IL1RAPL1: variants seen among roughly 807,000 people sequenced by gnomAD.
The protein encoded by IL1RAPL1 is interleukin-1 receptor accessory protein-like 1.
Under a neutral mutation model 48.4 loss-of-function variants are expected in IL1RAPL1, and 3 were observed. The ratio of observed to expected loss-of-function variants is 0.06; its 90% confidence interval spans 0.03 to 0.16. The LOEUF (loss-of-function observed/expected upper bound fraction) is 0.16, where lower values mean the gene tolerates loss of function less well. Among genes scored for constraint, IL1RAPL1 ranks in the 10% least tolerant of loss-of-function variants. The probability of loss-of-function intolerance (pLI) is 1.00; values close to 1 mark genes in which losing one functional copy is unlikely to be tolerated. For synonymous variants in IL1RAPL1, 185 were observed against 187.7 expected (o/e 0.99, Z 0.12); for missense variants, 349 against 530.6 (o/e 0.66, Z 3.36).
chrX:29,165,491 A>G (rs757252686), intron 2 of IL1RAPL1, among the ~76,000 whole-genome samples: 1 of 112,102 alleles, frequency 8.9e-6, no homozygotes, highest in Non-Finnish European at 1.9e-5. Context: ...GTTTTAGTTT[A>G]ATTTTCACTG....
rs376998348 is a variant in IL1RAPL1, at chrX:29,268,885, A to G, written c.83-14053A>G. Among the ~76,000 whole-genome samples, 8 of 112,191 alleles carry G rather than the reference A, an allele frequency of 7.1e-5. No homozygotes were observed. The South Asian group carries it at 1.1e-3, about 16-fold the overall frequency. Reference sequence around the variant, plus strand: ...GACACAGACTAAATGCTGTAAAATCATTCATCCTCTAAAATTTCAAATATT... The same window carrying G: ...GACACAGACTAAATGCTGTAAAATCGTTCATCCTCTAAAATTTCAAATATT... On this transcript the variant is annotated intron_variant, in intron 2 of 10. Coordinates refer to ENST00000378993, the MANE Select transcript of IL1RAPL1 (RefSeq NM_014271.4).
At chrX:28,701,974 T>A (rs73630071) in intron 1 of IL1RAPL1, among the ~76,000 whole-genome samples, 2,026 of 111,839 alleles carry the variant, frequency 0.018, 41 homozygotes, top group African/African-American at 0.062. Flanking sequence ...CAAATAACCA[T>A]TCTATACTAC....
intron 2 of IL1RAPL1, among the ~76,000 whole-genome samples, chrX:29,006,024 G>C (rs886923414): frequency 9.0e-6 from 1 of 111,463 alleles, no homozygotes; most frequent in Non-Finnish European, 1.9e-5. Flanking sequence ...GGCTATCTTA[G>C]TGTATCTCCC....
intron 6 of IL1RAPL1, among the ~76,000 whole-genome samples, chrX:29,733,728 C>T (rs1927978029): frequency 8.9e-6 from 1 of 112,376 alleles, no homozygotes; most frequent in South Asian, 3.7e-4. Flanking sequence ...GTATTAAAGT[C>T]TGACAATCCT....
chrX:29,737,790 A>G (rs903961129), intron 6 of IL1RAPL1, among the ~76,000 whole-genome samples: 27 of 112,574 alleles, frequency 2.4e-4, no homozygotes, highest in African/African-American at 8.1e-4. Flanking sequence ...GAGTTAATCT[A>G]ATAATCAGTG....
At chrX:28,723,556 A>G (rs1440417508) in intron 1 of IL1RAPL1, among the ~76,000 whole-genome samples, 2 of 111,412 alleles carry the variant, frequency 1.8e-5, no homozygotes, top group Non-Finnish European at 3.8e-5. Flanking sequence ...TTCTGGATTC[A>G]TTGATTTTTT....
intron 1 of IL1RAPL1, among the ~76,000 whole-genome samples, chrX:28,637,222 A>G (rs1033757253): frequency 9.0e-6 from 1 of 111,185 alleles, no homozygotes; most frequent in Admixed American, 9.6e-5. Flanking sequence ...TATTCTAATC[A>G]TAGCCCTTTC....
chrX:28,758,186 A>G (rs1296803917), intron 1 of IL1RAPL1, among the ~76,000 whole-genome samples: 1 of 112,265 alleles, frequency 8.9e-6, no homozygotes, highest in Non-Finnish European at 1.9e-5. Context: ...GTAATAATGT[A>G]GATGATTGGC....
At chrX:29,239,920 T>C (rs1931375261) in intron 2 of IL1RAPL1, among the ~76,000 whole-genome samples, 1 of 109,072 alleles carries the variant, frequency 9.2e-6, no homozygotes, top group South Asian at 3.9e-4. Context: ...ATTTTTCTCA[T>C]CCTTCTTCAG....
At chrX:28,673,738 T>C (rs1281224882) in intron 1 of IL1RAPL1, among the ~76,000 whole-genome samples, 3 of 111,662 alleles carry the variant, frequency 2.7e-5, no homozygotes, top group African/African-American at 9.8e-5. Context: ...ACCCATGTCT[T>C]CCTCACACCT....
chrX:29,134,283 G>A (rs1249909298), intron 2 of IL1RAPL1, among the ~76,000 whole-genome samples: 4 of 111,332 alleles, frequency 3.6e-5, no homozygotes, highest in South Asian at 3.8e-4. Context: ...ACTCTCTTCC[G>A]AAGTGACTGT....
chrX:29,836,976 T>C, intron 6 of IL1RAPL1, among the ~76,000 whole-genome samples: 1 of 109,222 alleles, frequency 9.2e-6, no homozygotes. Context: ...ATAATGAAGG[T>C]GGGCCAGGTG....
intron 2 of IL1RAPL1, among the ~76,000 whole-genome samples, chrX:29,010,264 A>G (rs972308727): frequency 8.9e-6 from 1 of 111,798 alleles, no homozygotes; most frequent in African/African-American, 3.3e-5. Flanking sequence ...TGCTCTGGCT[A>G]GCACTTCCAG....
intron 7 of IL1RAPL1, among the ~76,000 whole-genome samples, 171 bp from the exon 8 acceptor site, chrX:29,919,778 A>G (rs1342207050): frequency 8.9e-6 from 1 of 112,601 alleles, no homozygotes; most frequent in East Asian, 2.8e-4. Flanking sequence ...CCTCATTACA[A>G]GTGAAGAAGA....
At chrX:29,822,089 C>T (rs1240461122) in intron 6 of IL1RAPL1, among the ~76,000 whole-genome samples, 2 of 111,536 alleles carry the variant, frequency 1.8e-5, no homozygotes, top group Non-Finnish European at 3.8e-5. Flanking sequence ...TCCAATTGAT[C>T]TTGTATTTAG....
chrX:28,964,291 T>C (rs1014515970), intron 2 of IL1RAPL1, among the ~76,000 whole-genome samples: 2 of 111,571 alleles, frequency 1.8e-5, no homozygotes, highest in African/African-American at 6.5e-5. Context: ...TATACAGACA[T>C]ATGTCTATTA....
intron 2 of IL1RAPL1, among the ~76,000 whole-genome samples, chrX:28,996,186 A>G (rs1925721191): frequency 1.8e-5 from 2 of 111,308 alleles, no homozygotes; most frequent in African/African-American, 6.5e-5. Context: ...CTTAGTCTGG[A>G]CAGTTAATAT....
At chrX:29,154,621 A>AT (rs1929531763) in intron 2 of IL1RAPL1, among the ~76,000 whole-genome samples, 1 of 111,254 alleles carries the variant, frequency 9.0e-6, no homozygotes, top group Admixed American at 9.6e-5. Context: ...AATTTATACT[A>AT]TTTTTTCTTC....
intron 6 of IL1RAPL1, among the ~76,000 whole-genome samples, chrX:29,700,366 T>G (rs1367496289): frequency 1.8e-5 from 2 of 111,817 alleles, no homozygotes; most frequent in Non-Finnish European, 3.8e-5. Flanking sequence ...AGTTATAGAT[T>G]TAATTTTCAG....
Sources: allele counts gnomAD v4.1 joint callset (sites outside exome capture counted in the v4.1 genomes callset), GRCh38; gene constraint gnomAD v4.1.1; transcripts MANE v1.5; gene names NCBI Gene and HGNC (gene_info 2026-07-23, HGNC 2026-07-21).